Variants in KCNU1 observed in about 807,000 individuals in gnomAD.
The protein encoded by KCNU1 is potassium channel subfamily U member 1.
KCNU1 carries 93 observed loss-of-function variants against 126.8 expected under a neutral mutation model. The observed-to-expected ratio is 0.73, with a 90% CI of 0.62 to 0.87. The LOEUF (loss-of-function observed/expected upper bound fraction) is 0.87, where lower values mean the gene tolerates loss of function less well. Ranked by LOEUF, KCNU1 falls within the 40% of genes least tolerant of loss-of-function variation. The pLI, the probability that KCNU1 is intolerant of heterozygous loss-of-function variation, is 0.00. For missense variants in KCNU1, 1,330 were observed against 1,367.1 expected (o/e 0.97, Z 0.43); for synonymous variants, 523 against 494.2 (o/e 1.06, Z -0.77).
At chr8:36,902,489 GC>G (rs1458518301) in intron 19 of KCNU1, among the ~76,000 whole-genome samples, 1 of 152,078 alleles carries the variant, frequency 6.6e-6, no homozygotes, top group Non-Finnish European at 1.5e-5. Context: ...AGTAGTAGCA[GC>G]TGTAGACTTG....
intron 23 of KCNU1, among the ~76,000 whole-genome samples, chr8:36,921,653 A>G (rs571476294): frequency 4.8e-5 from 5 of 105,022 alleles, no homozygotes; most frequent in African/African-American, 1.9e-4. Context: ...TGGGCGATGA[A>G]GTGAGGAAAA....
At chr8:36,873,501 A>C (rs1244589982) in intron 19 of KCNU1, among the ~76,000 whole-genome samples, 1 of 152,220 alleles carries the variant, frequency 6.6e-6, no homozygotes, top group Non-Finnish European at 1.5e-5. Flanking sequence ...ATACGTTTTA[A>C]AATAAACATC....
intron 19 of KCNU1, among the ~76,000 whole-genome samples, chr8:36,893,140 T>C (rs903936190): frequency 8.1e-6 from 1 of 122,724 alleles, no homozygotes; most frequent in Non-Finnish European, 1.8e-5. Flanking sequence ...TTTTGTTTTT[T>C]TTTGTTTTTT....
At chr8:36,809,701 C>T (rs1339324550) in intron 7 of KCNU1, among the ~76,000 whole-genome samples, 1 of 152,112 alleles carries the variant, frequency 6.6e-6, no homozygotes, top group East Asian at 1.9e-4. Context: ...AGTCCTGGGC[C>T]CACCAGGGGA....
chr8:36,787,960 A>G (rs972973111), intron 2 of KCNU1, among the ~76,000 whole-genome samples: 1 of 151,362 alleles, frequency 6.6e-6, no homozygotes, highest in African/African-American at 2.4e-5. Context: ...TTAGGGCAAT[A>G]TTTGTGAGCG....
rs75735695 is a variant in KCNU1, at chr8:36,888,504, G to A, written c.2010-17204G>A. The A allele has an allele frequency of 6.4e-3, 3,341 of 525,108 alleles. 97 individuals are homozygous for A. The highest frequency in any genetic ancestry group is 0.059 in the African/African-American group (3,059 of 51,854). The allele number at this position is 525,108 out of a possible 1,614,324, so 32.5% of individuals were successfully genotyped here. ...ACGATTATCTTCCAGGACCTCATCA[G>A]CCACAATGAGATGTTCTCTGACATT... On this transcript the variant is annotated intron_variant, in intron 19 of 26. Transcript: ENST00000399881.
intron 10 of KCNU1, among the ~76,000 whole-genome samples, chr8:36,832,480 T>G (rs1291241464): frequency 1.3e-5 from 2 of 152,160 alleles, no homozygotes; most frequent in African/African-American, 4.8e-5. Context: ...TTTAAGTAAT[T>G]TGTTCATTTT....
At chr8:36,786,041 T>C (rs1331169240) in intron 1 of KCNU1, among the ~76,000 whole-genome samples, 3 of 152,016 alleles carry the variant, frequency 2.0e-5, no homozygotes, top group African/African-American at 7.2e-5. Context: ...TACTTTTCAA[T>C]GATTTGTTTT....
At chr8:36,888,752 A>G (rs780306577) in intron 19 of KCNU1, 27 of 534,316 alleles carry the variant, frequency 5.1e-5, no homozygotes, top group Admixed American at 4.3e-4. Context: ...CAAGAAGTAT[A>G]TCAAAGATTA....
chr8:36,874,579 C>T (rs1302599757), intron 19 of KCNU1, among the ~76,000 whole-genome samples: 2 of 152,074 alleles, frequency 1.3e-5, no homozygotes, highest in African/African-American at 4.8e-5. Context: ...CATCCCTGAG[C>T]CGGGCTTCAT....
chr8:36,935,633 T>C lies in KCNU1; in HGVS notation c.3163T>C (p.Ser1055Pro), dbSNP rs866547380. 6 of 1,613,306 alleles carry C rather than the reference T, an allele frequency of 3.7e-6. No homozygotes were observed. The highest frequency in any genetic ancestry group is 3.3e-4 in the Middle Eastern group (2 of 6,078). ...KRNEEFSLQK[S>P]YEIVNKASQT... ...GAATGAAGAGTTCTCATTGCAAAAG[T>C]CATATGAAATTGTAAATAAAGCATC... Residue 1055 changes from serine to proline, a missense_variant, in exon 27 of 27, where the codon TCA becomes CCA. Transcript: ENST00000399881.
rs533936327 is a variant in KCNU1, at chr8:36,908,558, A to G, written c.2107-753A>G. ...CACGACATGGATGAACCTGGAGACC[A>G]TCATTCTGAGAAAACTATCGCAAGG... is the stretch of plus-strand genomic sequence containing the variant. On this transcript the variant is annotated intron_variant, in intron 20 of 26. Coordinates refer to ENST00000399881, the MANE Select transcript of KCNU1 (RefSeq NM_001031836.3). Among the ~76,000 whole-genome samples the G allele has an allele frequency of 9.3e-5, 12 of 129,400 alleles. No homozygotes were observed. In the South Asian group the frequency reaches 2.6e-3, roughly 28 times the overall value. The allele number at this position is 129,400 out of a possible 152,430, so 84.9% of individuals were successfully genotyped here. A position where few individuals can be genotyped will look rare whatever the true frequency, so the allele number is the denominator to read the frequency against.
rs1449568245 is a variant in KCNU1, at chr8:36,909,485, C to T, written c.2281C>T (p.Gln761Ter). The T allele has an allele frequency of 7.4e-6, 12 of 1,613,074 alleles. No homozygotes were observed. The highest frequency in any genetic ancestry group is 1.0e-5 in the Non-Finnish European group (12 of 1,179,228). Residue 761 changes from glutamine (Q) to a stop codon, truncating the protein, a stop_gained, in exon 21 of 27, where the codon CAG becomes TAG. Transcript: ENST00000399881. LOFTEE classifies it high-confidence loss of function. ...IVFIGSLDYL[Q>*]REWRFLWNFP... Reference sequence around the variant, plus strand: ...GTTCATTGGGTCTCTGGACTATCTACAGAGAGAATGGCGATTTCTCTGGAA... The same window carrying T: ...GTTCATTGGGTCTCTGGACTATCTATAGAGAGAATGGCGATTTCTCTGGAA...
chr8:36,828,479 A>G (rs1381463571), intron 10 of KCNU1, among the ~76,000 whole-genome samples: 1 of 152,090 alleles, frequency 6.6e-6, no homozygotes, highest in Non-Finnish European at 1.5e-5. Context: ...TGTGCATATT[A>G]CTTTAGACAT....
At chr8:36,915,613 CA>C (rs1472169747) in intron 22 of KCNU1, among the ~76,000 whole-genome samples, 2 of 152,216 alleles carry the variant, frequency 1.3e-5, no homozygotes, top group Non-Finnish European at 2.9e-5. Context: ...TGCAAGCCAG[CA>C]AGGAACTTGG....
intron 2 of KCNU1, 49 bp from the exon 3 acceptor site, chr8:36,803,978 A>C: frequency 8.1e-7 from 1 of 1,238,290 alleles, no homozygotes; most frequent in African/African-American, 1.5e-5. Flanking sequence ...CGATTTATTT[A>C]ATGCAAATGA....
chr8:36,839,737 T>A (rs1198450261), intron 14 of KCNU1, among the ~76,000 whole-genome samples: 1 of 152,238 alleles, frequency 6.6e-6, no homozygotes, highest in Non-Finnish European at 1.5e-5. Context: ...TTCTCGGTTT[T>A]AAGAAGACTG....
chr8:36,878,420 C>T (rs1005652305), intron 19 of KCNU1, among the ~76,000 whole-genome samples: 3 of 152,088 alleles, frequency 2.0e-5, no homozygotes, highest in Non-Finnish European at 2.9e-5. Flanking sequence ...TACAAAGGCT[C>T]TCTTTACCTC....
intron 4 of KCNU1, 135 bp downstream of exon 4, chr8:36,805,420 T>G (rs1803461897): frequency 4.8e-6 from 3 of 620,952 alleles, no homozygotes; most frequent in Non-Finnish European, 8.6e-6. Flanking sequence ...CCTAACTTGT[T>G]AAATATATAC....
Sources: gnomAD v4.1 joint callset for allele counts (sites outside exome capture counted in the v4.1 genomes callset) on GRCh38, gnomAD v4.1.1 for gene constraint, MANE v1.5 for transcripts, NCBI Gene and HGNC (gene_info 2026-07-23, HGNC 2026-07-21) for gene names.